GPATCH8: variants seen among roughly 807,000 people sequenced by gnomAD.
The protein encoded by GPATCH8 is G-patch domain containing 8.
A neutral mutation model predicts 118.3 loss-of-function variants in GPATCH8; 18 were observed. That is an observed-to-expected ratio of 0.15 (90% CI 0.11 to 0.23). The LOEUF (loss-of-function observed/expected upper bound fraction) is 0.23, where lower values mean the gene tolerates loss of function less well. GPATCH8 is among the 10% of genes least tolerant of loss of function. The pLI is 1.00. For missense variants in GPATCH8, 1,631 were observed against 1,873.8 expected, an observed-to-expected ratio of 0.87 and a Z score of 2.39; for synonymous variants, 659 against 684.7, an observed-to-expected ratio of 0.96 and a Z score of 0.59.
chr17:44,461,193 T>G (rs192824883), intron 3 of GPATCH8, among the ~76,000 whole-genome samples: 3 of 152,212 alleles, frequency 2.0e-5, no homozygotes, highest in Admixed American at 6.5e-5. Flanking sequence ...TTTATTTATT[T>G]ATTTTAAACA....
At chr17:44,404,579 G>A (rs1555622145) in intron 7 of GPATCH8, among the ~76,000 whole-genome samples, 1 of 152,112 alleles carries the variant, frequency 6.6e-6, no homozygotes, top group Non-Finnish European at 1.5e-5. Context: ...CACAACAACT[G>A]TAAGTTGTTC....
intron 1 of GPATCH8, among the ~76,000 whole-genome samples, chr17:44,482,932 G>A (rs1272025341): frequency 1.3e-5 from 2 of 149,662 alleles, no homozygotes; most frequent in Non-Finnish European, 3.0e-5. Flanking sequence ...CGAGGCAGGC[G>A]GATCACGAGG....
chr17:44,470,494 C>CTTT lies in GPATCH8; in HGVS notation c.120+4332_120+4334dup, dbSNP rs35343849. ...TAGGTGTGAGCCACTGCACCCAGCGCTTTTTTTTTTTTTTTTTTTTGAGAC... is the reference window on the plus strand; with the variant it reads ...TAGGTGTGAGCCACTGCACCCAGCGCTTTTTTTTTTTTTTTTTTTTTTTGAGAC... On this transcript the variant is annotated intron_variant, in intron 2 of 7. Transcript: ENST00000591680. Among the ~76,000 whole-genome samples, 50 of 76,328 alleles carry CTTT rather than the reference C, an allele frequency of 6.6e-4. 1 individual carries two copies. Among genetic ancestry groups the CTTT allele is most frequent in the African/African-American group, 1.7e-3 (34 of 19,972 alleles). The allele number at this position is 76,328 out of a possible 152,430, so 50.1% of individuals were successfully genotyped here. A position where few individuals can be genotyped will look rare whatever the true frequency, so the allele number is the denominator to read the frequency against.
At chr17:44,442,463 A>G (rs2050735715) in intron 3 of GPATCH8, among the ~76,000 whole-genome samples, 1 of 152,140 alleles carries the variant, frequency 6.6e-6, no homozygotes, top group Admixed American at 6.5e-5. Context: ...TCAAAAAGTC[A>G]CAAAATCCAT....
intron 3 of GPATCH8, among the ~76,000 whole-genome samples, chr17:44,460,339 G>A (rs533353978): frequency 4.6e-5 from 7 of 151,648 alleles, no homozygotes; most frequent in African/African-American, 1.7e-4. Flanking sequence ...ATAATTATCG[G>A]CCATATATAA....
At chr17:44,499,108 T>C (rs1016092863) in intron 1 of GPATCH8, among the ~76,000 whole-genome samples, 1 of 152,232 alleles carries the variant, frequency 6.6e-6, no homozygotes, top group Non-Finnish European at 1.5e-5. Context: ...TAACATAGCA[T>C]GTCTTGTTTC....
chr17:44,430,934 A>C (rs1003555128), intron 5 of GPATCH8, among the ~76,000 whole-genome samples: 1 of 151,202 alleles, frequency 6.6e-6, no homozygotes, highest in African/African-American at 2.4e-5. Flanking sequence ...TACAGGTGTG[A>C]GCCACCGCAC....
At chr17:44,493,640 C>T (rs767609509) in intron 1 of GPATCH8, among the ~76,000 whole-genome samples, 9 of 152,136 alleles carry the variant, frequency 5.9e-5, no homozygotes, top group Non-Finnish European at 8.8e-5. Context: ...GTAGTCTCAG[C>T]TACTAGGGAG....
Position 44,399,126 on chromosome 17 carries a change from C to G in GPATCH8, c.2951G>C (p.Arg984Pro). ...GCGGTCCCGGCTATAGCTCCGGCTC[C>G]GTTGCCAGCTGTGGGCTGTGGTGCT... is the stretch of plus-strand genomic sequence containing the variant. ...SRSTTAHSWQ[R>P]SRSYSRDRSR... The change falls in exon 8 of 8, where the codon CGG becomes CCG. Residue 984 changes from arginine to proline, a missense_variant. Transcript: ENST00000591680. The G allele has an allele frequency of 6.2e-7, 1 of 1,611,532 alleles. No homozygotes were observed. The highest frequency in any genetic ancestry group is 8.5e-7 in the Non-Finnish European group (1 of 1,177,910).
chr17:44,478,573 G>A (rs57142252), intron 1 of GPATCH8, among the ~76,000 whole-genome samples: 2,477 of 152,026 alleles, frequency 0.016, 60 homozygotes, highest in African/African-American at 0.051. Flanking sequence ...TGAGGCAGGA[G>A]GATCACTTCA....
intron 1 of GPATCH8, among the ~76,000 whole-genome samples, chr17:44,480,997 T>A (rs1363383499): frequency 6.6e-6 from 1 of 152,116 alleles, no homozygotes; most frequent in Non-Finnish European, 1.5e-5. Context: ...GCCTCAACCC[T>A]CCTTGGGGCT....
intron 6 of GPATCH8, chr17:44,409,049 CTTT>C (rs774302357): frequency 6.6e-6 from 1 of 152,048 alleles, no homozygotes; most frequent in African/African-American, 2.4e-5. Context: ...ATTCTGGCGA[CTTT>C]TTTTTAAGAG....
Position 44,397,900 on chromosome 17 carries a change from T to C in GPATCH8, c.4177A>G (p.Ile1393Val). Residue 1393 changes from isoleucine (I) to valine (V), a missense_variant, in exon 8 of 8, where the codon ATT becomes GTT. Physicochemically the swap from Ile to Val is conservative, Grantham distance 29. This residue lies in a region of GPATCH8 where 111 missense variants were observed against 112.4 expected (regional missense o/e 0.99). Coordinates refer to ENST00000591680, the MANE Select transcript of GPATCH8 (RefSeq NM_001002909.4). ...GGTTGGGGATGGGGGTGAGGGTGAA[T>C]GCCGATGGCGGCAGCAGCTGCGGCA... is the stretch of plus-strand genomic sequence containing the variant. ...HAAAAAAAIG[I>V]HPHPHPQPLA... The C allele has an allele frequency of 6.2e-7, 1 of 1,609,846 alleles. No homozygotes were observed. The highest frequency in any genetic ancestry group is 8.5e-7 in the Non-Finnish European group (1 of 1,176,484).
chr17:44,457,761 A>T (rs896516992), intron 3 of GPATCH8, among the ~76,000 whole-genome samples: 1 of 151,810 alleles, frequency 6.6e-6, no homozygotes, highest in African/African-American at 2.4e-5. Context: ...AGTGAGACCT[A>T]GTCTCTACAA....
At chr17:44,474,086 T>TACA (rs1967534089) in intron 2 of GPATCH8, among the ~76,000 whole-genome samples, 1 of 152,240 alleles carries the variant, frequency 6.6e-6, no homozygotes, top group Non-Finnish European at 1.5e-5. Flanking sequence ...ATTAAATATG[T>TACA]ACACTTAAGC....
intron 1 of GPATCH8, among the ~76,000 whole-genome samples, chr17:44,492,465 G>A (rs938303808): frequency 1.2e-4 from 18 of 151,624 alleles, no homozygotes; most frequent in African/African-American, 3.9e-4. Flanking sequence ...CCAGCTACTC[G>A]GAAGGCTGAG....
chr17:44,416,018 T>G (rs2049666122), intron 6 of GPATCH8, among the ~76,000 whole-genome samples: 1 of 152,234 alleles, frequency 6.6e-6, no homozygotes, highest in African/African-American at 2.4e-5. Context: ...TTTTGTTGTT[T>G]TTGAGACGGA....
At chr17:44,437,445 G>A (rs531326285) in intron 3 of GPATCH8, among the ~76,000 whole-genome samples, 1 of 152,150 alleles carries the variant, frequency 6.6e-6, no homozygotes, top group African/African-American at 2.4e-5. Flanking sequence ...CCACTGAAAA[G>A]AGGACTTACC....
At chr17:44,410,356 G>T (rs2049386512) in intron 6 of GPATCH8, among the ~76,000 whole-genome samples, 1 of 152,144 alleles carries the variant, frequency 6.6e-6, no homozygotes, top group Non-Finnish European at 1.5e-5. Context: ...GCGCTCACAA[G>T]ACCAAACACT....
Sources: gnomAD v4.1 joint callset for allele counts (sites outside exome capture counted in the v4.1 genomes callset) on GRCh38, gnomAD v4.1.1 for gene constraint, gnomAD v4.1.1 regional missense constraint, MANE v1.5 for transcripts, NCBI Gene and HGNC (gene_info 2026-07-23, HGNC 2026-07-21) for gene names.